Variants in ZFP69 observed in about 807,000 individuals in gnomAD.
The protein encoded by ZFP69 is ZFP69 zinc finger protein, also known as zinc finger protein 69 homolog.
Under a neutral mutation model 48.9 loss-of-function variants are expected in ZFP69, and 35 were observed. That is an observed-to-expected ratio of 0.72 (90% CI 0.55 to 0.95). The LOEUF is 0.95. Ranked by LOEUF, ZFP69 falls within the 40% of genes least tolerant of loss-of-function variation. ZFP69 has a pLI of 0.00. For missense variants in ZFP69, 557 were observed against 638.4 expected, an observed-to-expected ratio of 0.87 and a Z score of 1.37; for synonymous variants, 193 against 216.8, an observed-to-expected ratio of 0.89 and a Z score of 0.96.
At chr1:40,478,972 A>G (rs1052740298) in intron 1 of ZFP69, 64 bp from the exon 2 acceptor site, 8 of 234,434 alleles carry the variant, frequency 3.4e-5, no homozygotes, top group African/African-American at 1.6e-4. Context: ...AACATGTATT[A>G]TATTTATTCC....
intron 5 of ZFP69, chr1:40,493,488 T>G (rs552274961): frequency 6.6e-6 from 1 of 152,330 alleles, no homozygotes; most frequent in South Asian, 2.1e-4. Context: ...CAGTCTTGAC[T>G]TTAGTAAAAT....
chr1:40,484,343 G>A (rs527924106), intron 3 of ZFP69, among the ~76,000 whole-genome samples: 101 of 151,702 alleles, frequency 6.7e-4, no homozygotes, highest in African/African-American at 2.3e-3. Context: ...GAGATTACAG[G>A]TGCCTGCCAC....
chr1:40,485,915 G>T (rs1045441058), intron 3 of ZFP69, among the ~76,000 whole-genome samples: 4 of 151,814 alleles, frequency 2.6e-5, no homozygotes, highest in Non-Finnish European at 4.4e-5. Flanking sequence ...TGTTGTTGTT[G>T]TTTTTTGAGA....
intron 5 of ZFP69, among the ~76,000 whole-genome samples, chr1:40,492,069 C>T (rs1053099353): frequency 1.3e-5 from 2 of 151,948 alleles, no homozygotes; most frequent in Non-Finnish European, 2.9e-5. Context: ...TGCTATGTTG[C>T]CCAAGCTGGC....
Position 40,495,513 on chromosome 1 carries a change from T to C in ZFP69, c.1035T>C (p.His345=). ...AFRHRSSLNQ[H]HRTHTGEKPY... ...GACATCGCTCATCACTTAATCAGCA[T>C]CATAGAACTCACACTGGGGAGAAAC... The change falls in exon 6 of 6, where the codon CAT becomes CAC. Residue 345 remains histidine (H), a synonymous_variant. Coordinates refer to ENST00000372706, the MANE Select transcript of ZFP69 (RefSeq NM_001320179.2). 1.2e-6 allele frequency: 2 copies of C among 1,614,148 alleles called. No homozygotes were observed. Among genetic ancestry groups the C allele is most frequent in the Non-Finnish European group, 1.7e-6 (2 of 1,179,978 alleles).
chr1:40,492,851 T>G (rs1267367946), intron 5 of ZFP69, among the ~76,000 whole-genome samples: 1 of 152,232 alleles, frequency 6.6e-6, no homozygotes, highest in Non-Finnish European at 1.5e-5. Flanking sequence ...AATCTTATAT[T>G]TTGTTGCTAC....
chr1:40,495,084 G>A lies in ZFP69; in HGVS notation c.606G>A (p.Gln202=). 6.2e-7 allele frequency: 1 copy of A among 1,614,030 alleles called. No individual in the cohort carries two copies. Among genetic ancestry groups the A allele is most frequent in the Non-Finnish European group, 8.5e-7 (1 of 1,180,014 alleles). The change falls in exon 6 of 6, where the codon CAG becomes CAA. Residue 202 remains glutamine (Q), a synonymous_variant. Coordinates refer to ENST00000372706, the MANE Select transcript of ZFP69 (RefSeq NM_001320179.2). ...ATGATGATGTCTTAGAAAGGCACCA[G>A]GAAACTTGTATGAGAGATGTGAGAC... ...STYDDVLERH[Q]ETCMRDVRQA...
chr1:40,491,312 TA>T (rs1298745428), intron 5 of ZFP69, among the ~76,000 whole-genome samples: 7 of 152,236 alleles, frequency 4.6e-5, no homozygotes, highest in African/African-American at 1.7e-4. Flanking sequence ...ACAAAGATGC[TA>T]CAGCAAACCT....
chr1:40,482,508 G>A (rs1645452770), intron 3 of ZFP69, among the ~76,000 whole-genome samples: 2 of 152,248 alleles, frequency 1.3e-5, no homozygotes, highest in South Asian at 4.1e-4. Flanking sequence ...TAAAAGAGGA[G>A]ATCTTATTGG....
At chr1:40,490,574 T>G (rs1364102434) in intron 5 of ZFP69, among the ~76,000 whole-genome samples, 1 of 152,160 alleles carries the variant, frequency 6.6e-6, no homozygotes, top group Admixed American at 6.5e-5. Flanking sequence ...TCCAGTATCC[T>G]AAGGGCTGCC....
chr1:40,486,501 CACT>C (rs1645501622), intron 3 of ZFP69, among the ~76,000 whole-genome samples: 2 of 141,276 alleles, frequency 1.4e-5, no homozygotes, highest in South Asian at 2.5e-4. Flanking sequence ...TCCCTCCCAC[CACT>C]ACCTCTCAGG....
chr1:40,489,819 C>G lies in ZFP69; in HGVS notation c.442+195C>G, dbSNP rs140850170. Among the ~76,000 whole-genome samples the G allele has an allele frequency of 1.6e-3, 246 of 151,064 alleles. 3 individuals carry two copies. Among genetic ancestry groups the G allele is most frequent in the African/African-American group, 5.7e-3 (233 of 41,156 alleles). On this transcript the variant is annotated intron_variant, in intron 5 of 5. Transcript: ENST00000372706. Reference sequence around the variant, plus strand: ...TGAAAGGCATATCACATGGTGGGAGCTGGAGCATGAGAGTGAAGGAGGAGG... The same window carrying G: ...TGAAAGGCATATCACATGGTGGGAGGTGGAGCATGAGAGTGAAGGAGGAGG...
At chr1:40,492,396 A>G (rs1557554842) in intron 5 of ZFP69, among the ~76,000 whole-genome samples, 1 of 151,862 alleles carries the variant, frequency 6.6e-6, no homozygotes, top group Non-Finnish European at 1.5e-5. Context: ...GTTTCTTTAT[A>G]TGTTTGGGTC....
In ZFP69 at chr1:40,484,829, C is replaced by T. The variant is rs1404753578; in HGVS notation, c.219+2975C>T. On this transcript the variant is annotated intron_variant, in intron 3 of 5. Coordinates refer to ENST00000372706, the MANE Select transcript of ZFP69 (RefSeq NM_001320179.2). ...ATCTCCTGACCTCGTGATCCGCCCG[C>T]CTCTCCCTCCCAAAGGGCTGAGATT... is the stretch of plus-strand genomic sequence containing the variant. Among the ~76,000 whole-genome samples the T allele has an allele frequency of 2.7e-5, 4 of 150,832 alleles. No homozygotes were observed. In the East Asian group the frequency reaches 7.8e-4, roughly 29 times the overall value.
At chr1:40,486,398 C>T (rs1395374254) in intron 3 of ZFP69, among the ~76,000 whole-genome samples, 1 of 150,238 alleles carries the variant, frequency 6.7e-6, no homozygotes, top group Non-Finnish European at 1.5e-5. Context: ...TCCTCCCTTC[C>T]TCCCTCCTTT....
chr1:40,495,287 C>A lies in ZFP69; in HGVS notation c.809C>A (p.Thr270Asn), dbSNP rs142178729. The change falls in exon 6 of 6, where the codon ACC becomes AAC. Residue 270 changes from threonine (T) to asparagine (N), a missense_variant. Coordinates refer to ENST00000372706, the MANE Select transcript of ZFP69 (RefSeq NM_001320179.2). ...CCAACAAGTTACATAAGAACAAAAA[C>A]CTATGAATGTAATATATGTGAAAAA... ...NHPTSYIRTK[T>N]YECNICEKIF... The A allele has an allele frequency of 7.9e-5, 127 of 1,613,958 alleles. 1 individual carries two copies. The African/African-American group carries it at 1.5e-3, about 20-fold the overall frequency.
At position 40,479,434 on chromosome 1, in the gene ZFP69, G is replaced by C. The variant is rs1254557736; in HGVS notation, c.73G>C (p.Ala25Pro). The C allele has an allele frequency of 6.2e-7, 1 of 1,614,118 alleles. No homozygotes were observed. Among genetic ancestry groups the C allele is most frequent in the South Asian group, 1.1e-5 (1 of 91,086 alleles). Reference protein sequence around the residue: ...TWVKLQHPKKAVEGAPLWEDV... With the variant: ...TWVKLQHPKKPVEGAPLWEDV... Reference sequence around the variant, plus strand: ...GGTGAAGCTGCAACATCCAAAGAAGGCCGTGGAGGGGGCGCCCCTGTGGGA... The same window carrying C: ...GGTGAAGCTGCAACATCCAAAGAAGCCCGTGGAGGGGGCGCCCCTGTGGGA... Residue 25 changes from alanine to proline, a missense_variant, in exon 2 of 6, where the codon GCC (alanine) becomes CCC (proline). Coordinates refer to ENST00000372706, the MANE Select transcript of ZFP69 (RefSeq NM_001320179.2).
intron 3 of ZFP69, among the ~76,000 whole-genome samples, chr1:40,487,224 A>G (rs552234832): frequency 6.6e-6 from 1 of 152,174 alleles, no homozygotes; most frequent in Admixed American, 6.6e-5. Context: ...CGCCCGGCCT[A>G]CAGTTGATTC....
chr1:40,493,683 A>C (rs1450289959), intron 5 of ZFP69: 1 of 152,178 alleles, frequency 6.6e-6, no homozygotes, highest in Non-Finnish European at 1.5e-5. Flanking sequence ...GACCAGAATC[A>C]GGGACCTGCA....
Sources: gnomAD v4.1 joint callset for allele counts (sites outside exome capture counted in the v4.1 genomes callset) on GRCh38, gnomAD v4.1.1 for gene constraint, MANE v1.5 for transcripts, NCBI Gene and HGNC (gene_info 2026-07-23, HGNC 2026-07-21) for gene names.